Variants in CCNH observed in about 807,000 individuals in gnomAD.
CCNH encodes the protein cyclin-H.
Under a neutral mutation model 41.9 loss-of-function variants are expected in CCNH, and 31 were observed. The observed-to-expected ratio is 0.74, with a 90% CI of 0.56 to 1.00. CCNH has a LOEUF of 1.00. Among genes scored for constraint, CCNH ranks in the 50% least tolerant of loss-of-function variants. The probability of loss-of-function intolerance (pLI) is 0.00; values close to 1 mark genes in which losing one functional copy is unlikely to be tolerated. For missense variants in CCNH, 362 were observed against 388.4 expected (o/e 0.93, Z 0.57); for synonymous variants, 138 against 136.1 (o/e 1.01, Z -0.10).
chr5:87,410,840 A>T (rs1261908514), intron 2 of CCNH, among the ~76,000 whole-genome samples: 2 of 152,234 alleles, frequency 1.3e-5, no homozygotes, highest in Non-Finnish European at 2.9e-5. Context: ...GGGGCATATG[A>T]TTACCAATGA....
At position 87,376,580 on chromosome 5, in the gene CCNH, A is replaced by G. The variant is rs1761342713; in HGVS notation, n.601T>C. 6.2e-7 allele frequency: 1 copy of G among 1,608,366 alleles called. No homozygotes were observed. Among genetic ancestry groups the G allele is most frequent in the African/African-American group, 1.3e-5 (1 of 74,928 alleles). On this transcript the variant is annotated non_coding_transcript_exon_variant, in exon 1 of 1. Transcript: ENST00000607486. ...AATTTAAAGAGGTATTAAATTATTTATCAGTCTTGTTTTTGTTGGAATTAA... is the reference window on the plus strand; with the variant it reads ...AATTTAAAGAGGTATTAAATTATTTGTCAGTCTTGTTTTTGTTGGAATTAA...
chr5:87,332,424 G>C, intron 9 of CCNH: 2 of 1,343,540 alleles, frequency 1.5e-6, no homozygotes, highest in Admixed American at 3.7e-5. Flanking sequence ...GGAAATTATG[G>C]ATTTATAATT....
chr5:87,392,372 G>GT (rs146570884), downstream of CCNH: 3 of 455,406 alleles, frequency 6.6e-6, no homozygotes, highest in Non-Finnish European at 1.3e-5. Flanking sequence ...TTCAATCACC[G>GT]TTTAACACTG....
chr5:87,375,586 T>C (rs1222851031), downstream of CCNH, among the ~76,000 whole-genome samples: 2 of 152,190 alleles, frequency 1.3e-5, no homozygotes. Context: ...CCCTTAAACT[T>C]GAATGTCATT....
chr5:87,319,576 C>A (rs1756622112), intron 9 of CCNH, among the ~76,000 whole-genome samples: 1 of 152,222 alleles, frequency 6.6e-6, no homozygotes, highest in Non-Finnish European at 1.5e-5. Flanking sequence ...TTAGCCACAG[C>A]CACAGCTGGA....
the CCNH span, among the ~76,000 whole-genome samples, chr5:87,312,719 T>C: frequency 6.6e-6 from 1 of 152,222 alleles, no homozygotes; most frequent in African/African-American, 2.4e-5. Flanking sequence ...AATCTTCATT[T>C]CCATCTCTTC....
downstream of CCNH, chr5:87,374,386 T>C: frequency 2.1e-6 from 3 of 1,461,886 alleles, no homozygotes; most frequent in Admixed American, 1.8e-5. Context: ...TTCTGTTTTT[T>C]TGGTCTCTGT....
At chr5:87,355,914 C>T (rs990125156) in intron 9 of CCNH, among the ~76,000 whole-genome samples, 1 of 152,116 alleles carries the variant, frequency 6.6e-6, no homozygotes, top group Non-Finnish European at 1.5e-5. Context: ...GTACAAGTAG[C>T]AGGAGAACTA....
chr5:87,335,185 C>T (rs1485071948), intron 9 of CCNH, among the ~76,000 whole-genome samples: 1 of 151,910 alleles, frequency 6.6e-6, no homozygotes, highest in East Asian at 1.9e-4. Context: ...CCTGGCTTAG[C>T]TGTTACTTTT....
intron 9 of CCNH, among the ~76,000 whole-genome samples, chr5:87,349,965 T>C (rs973740207): frequency 6.6e-6 from 1 of 151,896 alleles, no homozygotes; most frequent in Admixed American, 6.6e-5. Flanking sequence ...ATAATCTTCA[T>C]TTGTGAACGT....
rs1003799327 is a variant in CCNH at position 87,384,283 on chromosome 5, A to C, written c.*90+8487T>G. 2.6e-5 allele frequency among the ~76,000 whole-genome samples: 4 copies of C among 152,264 alleles called. No homozygotes were observed. The East Asian group carries it at 7.7e-4, about 29-fold the overall frequency. On this transcript the variant is annotated intron_variant and NMD_transcript_variant, in intron 9 of 9. Coordinates refer to the CCNH transcript ENST00000645953. ...GTGTAAATTGGCCATTTTAAACTTCAGTAAACCTGATCCAGTTTTATTACC... is the reference window on the plus strand; with the variant it reads ...GTGTAAATTGGCCATTTTAAACTTCCGTAAACCTGATCCAGTTTTATTACC...
intron 9 of CCNH, among the ~76,000 whole-genome samples, chr5:87,350,799 C>T (rs922102975): frequency 1.3e-5 from 2 of 150,864 alleles, no homozygotes; most frequent in Non-Finnish European, 3.0e-5. Context: ...ATTTTTCTTC[C>T]CTGTGAATTT....
Position 87,399,464 on chromosome 5 carries a change from CA to C in CCNH, c.801del (p.Glu268LysfsTer6). The C allele has an allele frequency of 6.2e-7, 1 of 1,613,900 alleles. No homozygotes were observed. The highest frequency in any genetic ancestry group is 1.1e-5 in the South Asian group (1 of 91,078). ...NLVKKYEPPRSEEVAVLKQKL... is the reference protein window; with the variant it reads ...NLVKKYEPPRXEEVAVLKQKL... ...TTCTGTTTCAGAACAGCAACTTCTT[CA>C]GATCTGGGTGGTTCATACTTCTTTA... On this transcript the variant is annotated frameshift_variant, in exon 7 of 9. Transcript: ENST00000256897. LOFTEE classifies it high-confidence loss of function.
At chr5:87,383,615 A>C (rs901028569) in intron 9 of CCNH, 4 of 885,604 alleles carry the variant, frequency 4.5e-6, no homozygotes, top group African/African-American at 1.7e-5. Context: ...TATGGGTTCT[A>C]TGAGTACTAA....
upstream of CCNH, chr5:87,379,633 GA>G: frequency 6.7e-7 from 1 of 1,485,006 alleles, no homozygotes; most frequent in Non-Finnish European, 9.0e-7. Flanking sequence ...CAGAGATACC[GA>G]AAAATAGACA....
At chr5:87,326,617 G>A (rs1472890989) in intron 9 of CCNH, among the ~76,000 whole-genome samples, 2 of 152,100 alleles carry the variant, frequency 1.3e-5, no homozygotes, top group African/African-American at 2.4e-5. Flanking sequence ...TTATTAATGT[G>A]TTACATTAAG....
chr5:87,394,645 A>C, intron 8 of CCNH, 161 bp from the exon 9 acceptor site: 1 of 1,440,450 alleles, frequency 6.9e-7, no homozygotes, highest in Non-Finnish European at 9.1e-7. Flanking sequence ...TAATGTTGGC[A>C]TGGTCTCACC....
At chr5:87,405,071 A>T in intron 4 of CCNH, 64 bp from the exon 5 acceptor site, 1 of 1,160,008 alleles carries the variant, frequency 8.6e-7, no homozygotes, top group Admixed American at 2.2e-5. Flanking sequence ...ACAACAGTTT[A>T]AAAATTACAC....
intron 4 of CCNH, among the ~76,000 whole-genome samples, chr5:87,406,348 C>T (rs548785833): frequency 3.3e-5 from 5 of 152,130 alleles, no homozygotes; most frequent in Non-Finnish European, 7.4e-5. Flanking sequence ...AAATGTGCAT[C>T]AGTCTCTTCC....
Sources: gnomAD v4.1 joint callset for allele counts (sites outside exome capture counted in the v4.1 genomes callset) on GRCh38, gnomAD v4.1.1 for gene constraint, MANE v1.5 for transcripts, NCBI Gene and HGNC (gene_info 2026-07-23, HGNC 2026-07-21) for gene names.